Variants in STK33 observed in about 807,000 individuals in gnomAD.
STK33 encodes the protein serine/threonine-protein kinase 33.
A neutral mutation model predicts 58.0 loss-of-function variants in STK33; 52 were observed. The ratio of observed to expected loss-of-function variants is 0.90; its 90% CI spans 0.72 to 1.13. The LOEUF (loss-of-function observed/expected upper bound fraction) is 1.13, where lower values mean the gene tolerates loss of function less well. Among genes scored for constraint, STK33 ranks in the 50% most tolerant of loss-of-function variants. The pLI, the probability that STK33 is intolerant of heterozygous loss-of-function variation, is 0.00. For synonymous variants in STK33, 215 were observed against 200.1 expected (o/e 1.07, Z -0.63); for missense variants, 630 against 604.2 (o/e 1.04, Z -0.45).
intron 1 of STK33, among the ~76,000 whole-genome samples, chr11:8,549,774 T>G (rs1956182313): frequency 6.6e-6 from 1 of 152,200 alleles, no homozygotes; most frequent in Admixed American, 6.5e-5. Context: ...CATATAGTTG[T>G]TCATGAGATT....
chr11:8,474,677 T>C lies in STK33; in HGVS notation c.225+4A>G, dbSNP rs776234850. ...TGCTTAGATGTGGAATCTTTGATAT[T>C]TACCAAATCTTTCCTGGAGGTTATA... On this transcript the variant is annotated splice_donor_region_variant and intron_variant, in intron 5 of 15. Coordinates refer to ENST00000687296, the MANE Select transcript of STK33 (RefSeq NM_001352389.2). 3 of 1,596,034 alleles carry C rather than the reference T, an allele frequency of 1.9e-6. No individual in the cohort carries two copies. In the East Asian group the frequency reaches 6.7e-5, roughly 36 times the overall value.
intron 1 of STK33, among the ~76,000 whole-genome samples, chr11:8,572,964 G>C (rs780658151): frequency 1.3e-4 from 19 of 150,972 alleles, no homozygotes; most frequent in Non-Finnish European, 2.7e-4. Context: ...TTTTTTTTCT[G>C]CTTTCCAAAA....
chr11:8,366,376 C>A, the STK33 span, among the ~76,000 whole-genome samples: 7 of 152,312 alleles, frequency 4.6e-5, no homozygotes, highest in Admixed American at 3.3e-4. Context: ...GGACACAGGA[C>A]AGAGACTGTG....
chr11:8,485,256 T>C (rs1468005028), intron 1 of STK33, among the ~76,000 whole-genome samples: 1 of 152,146 alleles, frequency 6.6e-6, no homozygotes, highest in African/African-American at 2.4e-5. Context: ...TCTAAAAATA[T>C]GAGTTTCCAG....
the STK33 span, among the ~76,000 whole-genome samples, chr11:8,379,150 G>A: frequency 3.3e-5 from 5 of 151,986 alleles, no homozygotes; most frequent in South Asian, 2.1e-4. Context: ...AACTCAAGAC[G>A]GATCAAAAGA....
At chr11:8,341,366 T>C in the STK33 span, among the ~76,000 whole-genome samples, 4 of 152,148 alleles carry the variant, frequency 2.6e-5, no homozygotes, top group Non-Finnish European at 5.9e-5. Flanking sequence ...CCTCACCCCA[T>C]CCCAGCAGCT....
intron 1 of STK33, among the ~76,000 whole-genome samples, chr11:8,490,292 C>T (rs886588317): frequency 5.9e-5 from 9 of 152,338 alleles, no homozygotes; most frequent in African/African-American, 1.4e-4. Flanking sequence ...ATAGGTCCTA[C>T]GCCTATGGAG....
chr11:8,479,210 G>C (rs1283196640), intron 2 of STK33, among the ~76,000 whole-genome samples: 1 of 151,976 alleles, frequency 6.6e-6, no homozygotes, highest in Non-Finnish European at 1.5e-5. Context: ...GTCAGATCGA[G>C]ACCATCCTGG....
At chr11:8,358,615 G>A in the STK33 span, among the ~76,000 whole-genome samples, 3 of 151,986 alleles carry the variant, frequency 2.0e-5, no homozygotes, top group Admixed American at 2.0e-4. Context: ...GGAATGGCCA[G>A]GAACAGCTGG....
downstream of STK33, among the ~76,000 whole-genome samples, chr11:8,387,554 T>G (rs991983118): frequency 1.3e-5 from 2 of 152,222 alleles, no homozygotes; most frequent in Non-Finnish European, 2.9e-5. Context: ...CTTAGAATGG[T>G]GTCTGGCATG....
chr11:8,415,330 T>C (rs1472786787), intron 14 of STK33, among the ~76,000 whole-genome samples: 7 of 152,250 alleles, frequency 4.6e-5, no homozygotes, highest in African/African-American at 1.7e-4. Context: ...CATTTCTTCC[T>C]TCTAGGCTCA....
chr11:8,424,970 C>G lies in STK33; in HGVS notation c.1146+10524G>C, dbSNP rs12269799. 8.7e-5 allele frequency among the ~76,000 whole-genome samples: 11 copies of G among 127,078 alleles called. No homozygotes were observed. In the East Asian group the frequency reaches 1.6e-3, roughly 18 times the overall value. The allele number at this position is 127,078 out of a possible 152,430, so 83.4% of individuals were successfully genotyped here. A position where few individuals can be genotyped will look rare whatever the true frequency, so the allele number is the denominator to read the frequency against. On this transcript the variant is annotated intron_variant, in intron 14 of 15. Transcript: ENST00000687296. Reference sequence around the variant, plus strand: ...CTCTGAGGGTAGTTTCTTTTGCTGCCCAGAAGCTCTTCAGTTTAATTAGAT... The same window carrying G: ...CTCTGAGGGTAGTTTCTTTTGCTGCGCAGAAGCTCTTCAGTTTAATTAGAT...
chr11:8,564,286 A>G (rs759172336), intron 1 of STK33, among the ~76,000 whole-genome samples: 6 of 152,162 alleles, frequency 3.9e-5, no homozygotes, highest in Non-Finnish European at 7.4e-5. Context: ...AATAGAAGAG[A>G]CAGATGACTT....
downstream of STK33, among the ~76,000 whole-genome samples, chr11:8,387,966 T>C (rs1004372128): frequency 1.3e-5 from 2 of 152,210 alleles, no homozygotes; most frequent in East Asian, 1.9e-4. Context: ...GGGAGACTTC[T>C]ATGGCCCCTG....
the STK33 span, among the ~76,000 whole-genome samples, chr11:8,365,291 C>A: frequency 6.6e-6 from 1 of 152,132 alleles, no homozygotes. Flanking sequence ...AGAGCAAATT[C>A]CTCCACTCTC....
chr11:8,498,186 A>G (rs1951210211), intron 1 of STK33, among the ~76,000 whole-genome samples: 1 of 152,182 alleles, frequency 6.6e-6, no homozygotes, highest in Admixed American at 6.5e-5. Flanking sequence ...CCAATAACCT[A>G]TTGTAATTTT....
intron 1 of STK33, among the ~76,000 whole-genome samples, chr11:8,529,542 G>A (rs1469116695): frequency 1.3e-5 from 2 of 152,068 alleles, no homozygotes; most frequent in Non-Finnish European, 2.9e-5. Context: ...CTCACCCTCT[G>A]ACCCTGGGAA....
chr11:8,383,376 T>G, the STK33 span, among the ~76,000 whole-genome samples: 5 of 152,102 alleles, frequency 3.3e-5, no homozygotes, highest in African/African-American at 1.2e-4. Flanking sequence ...CACACTTAGG[T>G]GTTTCCAGAG....
the STK33 span, among the ~76,000 whole-genome samples, chr11:8,342,543 G>A: frequency 1.4e-4 from 21 of 152,244 alleles, no homozygotes; most frequent in Non-Finnish European, 3.1e-4. Flanking sequence ...AGGTCCCCTT[G>A]AAGGAACTCA....
Sources: gnomAD v4.1 joint callset for allele counts (sites outside exome capture counted in the v4.1 genomes callset) on GRCh38, gnomAD v4.1.1 for gene constraint, MANE v1.5 for transcripts, NCBI Gene and HGNC (gene_info 2026-07-23, HGNC 2026-07-21) for gene names.